TSC22D1: variants seen among roughly 807,000 people sequenced by gnomAD.
TSC22D1 encodes the protein TSC22 domain family member 1.
Under a neutral mutation model 74.2 loss-of-function variants are expected in TSC22D1, and 9 were observed. The observed-to-expected ratio is 0.12, with a 90% confidence interval of 0.07 to 0.21. The LOEUF (loss-of-function observed/expected upper bound fraction) is 0.21. Ranked by LOEUF, TSC22D1 falls within the 10% of genes least tolerant of loss-of-function variation. The pLI is 1.00. For synonymous variants in TSC22D1, 586 were observed against 492.5 expected, an observed-to-expected ratio of 1.19 and a Z score of -2.51; for missense variants, 1,427 against 1,304.7, an observed-to-expected ratio of 1.09 and a Z score of -1.44.
intron 1 of TSC22D1, among the ~76,000 whole-genome samples, chr13:44,480,960 C>T (rs1369954423): frequency 1.3e-5 from 2 of 152,046 alleles, no homozygotes; most frequent in Non-Finnish European, 2.9e-5. Context: ...TAAATTGGGT[C>T]GCTGGAGTAC....
rs1321399300 is a variant in TSC22D1 at position 44,576,039 on chromosome 13, G to A, written c.36C>T (p.Ala12=). 6.4e-7 allele frequency: 1 copy of A among 1,572,112 alleles called. No homozygotes were observed. Among genetic ancestry groups the A allele is most frequent in the African/African-American group, 1.3e-5 (1 of 74,228 alleles). Residue 12 remains alanine, a synonymous_variant, in exon 1 of 3, where the codon GCC becomes GCT. Transcript: ENST00000458659. ...HQPPESTAAA[A]AAADISARKM... is the part of the protein sequence containing the mutation. ...TCCTAGCGCTAATGTCTGCAGCGGC[G>A]GCGGCCGCGGCGGTGGACTCAGGCG...
intron 1 of TSC22D1, among the ~76,000 whole-genome samples, chr13:44,491,968 A>G (rs992922502): frequency 4.6e-5 from 7 of 152,224 alleles, no homozygotes; most frequent in African/African-American, 1.7e-4. Flanking sequence ...AAGCACACAC[A>G]TAAAAATGTT....
intron 1 of TSC22D1, chr13:44,539,779 C>T (rs916568776): frequency 2.6e-5 from 33 of 1,282,886 alleles, no homozygotes; most frequent in Middle Eastern, 2.2e-4. Context: ...GTTTATTATC[C>T]TTTCCCACTC....
intron 1 of TSC22D1, among the ~76,000 whole-genome samples, chr13:44,469,325 T>C (rs1426351840): frequency 6.6e-6 from 1 of 152,230 alleles, no homozygotes; most frequent in Admixed American, 6.5e-5. Context: ...TTAAGCCACA[T>C]TTAAAATGAG....
At position 44,575,119 on chromosome 13, in the gene TSC22D1, G is replaced by A. The variant is rs150182004; in HGVS notation, c.956C>T (p.Thr319Ile). 6.2e-6 allele frequency: 10 copies of A among 1,614,148 alleles called. No homozygotes were observed. The highest frequency in any genetic ancestry group is 2.7e-5 in the African/African-American group (2 of 75,038). The change falls in exon 1 of 3, where the codon ACT becomes ATT. Residue 319 changes from threonine to isoleucine, a missense_variant. By Grantham distance (89) the Thr-to-Ile change is moderately conservative (BLOSUM62 -1). This residue lies in a region of TSC22D1 where 1,343 missense variants were observed against 1,191.5 expected (regional missense o/e 1.13). Coordinates refer to ENST00000458659, the MANE Select transcript of TSC22D1 (RefSeq NM_183422.4). Reference protein sequence around the residue: ...GTSTVNNVNITAVGSFNPNVT... With the variant: ...GTSTVNNVNIIAVGSFNPNVT... ...ATTAGGATTAAAACTACCCACAGCAGTAATGTTAACATTATTTACTGTACT... is the reference window on the plus strand; with the variant it reads ...ATTAGGATTAAAACTACCCACAGCAATAATGTTAACATTATTTACTGTACT...
intron 1 of TSC22D1, among the ~76,000 whole-genome samples, chr13:44,535,625 C>T (rs545583923): frequency 6.9e-6 from 1 of 144,136 alleles, no homozygotes; most frequent in East Asian, 2.1e-4. Context: ...CTACAAAAAA[C>T]AAACAAACAA....
In TSC22D1 at chr13:44,573,586, ATAC is replaced by A. The variant is rs779194430; in HGVS notation, c.2486_2488del (p.Ser829del). 6.8e-6 allele frequency: 11 copies of A among 1,614,260 alleles called. No individual in the cohort carries two copies. The highest frequency in any genetic ancestry group is 9.3e-6 in the Non-Finnish European group (11 of 1,180,044). The stretch of plus-strand genomic sequence containing the variant: ...TGAACTAACCTGACTTGTAACAGAA[ATAC>A]TACTAGCAGAGGGCAAAGAACTAAC... On this transcript the variant is annotated inframe_deletion, in exon 1 of 3. Transcript: ENST00000458659.
chr13:44,571,405 G>A (rs1010481025), intron 1 of TSC22D1, among the ~76,000 whole-genome samples: 8 of 152,100 alleles, frequency 5.3e-5, no homozygotes, highest in Non-Finnish European at 1.0e-4. Context: ...TTAATTGCCT[G>A]GAAGGGCAAG....
chr13:44,556,239 A>AACC (rs936896380), intron 1 of TSC22D1, among the ~76,000 whole-genome samples: 3 of 151,700 alleles, frequency 2.0e-5, no homozygotes, highest in South Asian at 2.1e-4. Flanking sequence ...AAAAAAAACA[A>AACC]ACCACCACCA....
chr13:44,517,592 C>G (rs1595132129), intron 1 of TSC22D1, among the ~76,000 whole-genome samples: 1 of 150,828 alleles, frequency 6.6e-6, no homozygotes. Context: ...CGCCTATAAT[C>G]CCAGCACTTT....
intron 1 of TSC22D1, among the ~76,000 whole-genome samples, chr13:44,473,104 T>G (rs1318580622): frequency 6.6e-6 from 1 of 152,220 alleles, no homozygotes; most frequent in Non-Finnish European, 1.5e-5. Context: ...ACATCTTTTA[T>G]TCAAACTGAT....
At chr13:44,489,086 A>G (rs1199036900) in intron 1 of TSC22D1, among the ~76,000 whole-genome samples, 1 of 152,100 alleles carries the variant, frequency 6.6e-6, no homozygotes, top group African/African-American at 2.4e-5. Context: ...CCCTAAATAT[A>G]TGGATTTATG....
intron 1 of TSC22D1, among the ~76,000 whole-genome samples, chr13:44,495,500 T>C (rs2137969070): frequency 6.6e-6 from 1 of 152,302 alleles, no homozygotes; most frequent in South Asian, 2.1e-4. Flanking sequence ...GGTAACTGTA[T>C]AGATAAATAT....
intron 1 of TSC22D1, among the ~76,000 whole-genome samples, chr13:44,468,128 A>T (rs1877400291): frequency 6.6e-6 from 1 of 152,188 alleles, no homozygotes; most frequent in Admixed American, 6.5e-5. Flanking sequence ...AGGAATGGAA[A>T]ACCAAATACC....
At chr13:44,440,640 G>C (rs1000803763) in intron 1 of TSC22D1, among the ~76,000 whole-genome samples, 26 of 150,266 alleles carry the variant, frequency 1.7e-4, no homozygotes, top group Non-Finnish European at 3.2e-4. Context: ...ATAAATCTAG[G>C]AGGTCCAACA....
At chr13:44,552,853 T>G (rs913177020) in intron 1 of TSC22D1, among the ~76,000 whole-genome samples, 6 of 152,108 alleles carry the variant, frequency 3.9e-5, no homozygotes, top group Non-Finnish European at 8.8e-5. Flanking sequence ...CCGGGTGTGG[T>G]GGCAGGCGCC....
chr13:44,566,315 C>G (rs1883370200), intron 1 of TSC22D1, among the ~76,000 whole-genome samples: 1 of 151,884 alleles, frequency 6.6e-6, no homozygotes, highest in African/African-American at 2.4e-5. Flanking sequence ...GACAACTTGC[C>G]CTCTCTAAAT....
rs183824662 is a variant in TSC22D1, at chr13:44,491,511, G to A, written c.2913-55416C>T. On this transcript the variant is annotated intron_variant, in intron 1 of 2. Transcript: ENST00000458659. ...GGCGCTTGCAGTGAGCCGAGATCGC[G>A]CCACTGCACTCCAGCCTGGGAGGCA... is the stretch of plus-strand genomic sequence containing the variant. Among the ~76,000 whole-genome samples, 46 of 147,160 alleles carry A rather than the reference G, an allele frequency of 3.1e-4. No homozygotes were observed. The East Asian group carries it at 7.8e-3, about 25-fold the overall frequency.
chr13:44,496,695 GTAATAA>G (rs1174523982), intron 1 of TSC22D1, among the ~76,000 whole-genome samples: 2 of 151,488 alleles, frequency 1.3e-5, no homozygotes, highest in Non-Finnish European at 2.9e-5. Flanking sequence ...CAAAAAAATA[GTAATAA>G]TAATAAAAAA....
Sources: allele counts gnomAD v4.1 joint callset (sites outside exome capture counted in the v4.1 genomes callset), GRCh38; gene constraint gnomAD v4.1.1; regional missense constraint gnomAD v4.1.1; transcripts MANE v1.5; gene names NCBI Gene and HGNC (gene_info 2026-07-23, HGNC 2026-07-21).